The following EPHB1 variants were observed in gnomAD, a reference collection of about 807,000 sequenced individuals.
EPHB1 encodes EPH receptor B1.
EPHB1 carries 30 observed loss-of-function variants against 94.4 expected under a neutral mutation model. The ratio of observed to expected loss-of-function variants is 0.32; its 90% CI spans 0.24 to 0.43. EPHB1 has a LOEUF of 0.43. EPHB1 is among the 20% of genes least tolerant of loss of function. The pLI is 1.00. For synonymous variants in EPHB1, 522 were observed against 489.1 expected, an observed-to-expected ratio of 1.07 and a Z score of -0.89; for missense variants, 1,055 against 1,308.3, an observed-to-expected ratio of 0.81 and a Z score of 2.99.
intron 15 of EPHB1, among the ~76,000 whole-genome samples, chr3:135,254,085 G>T (rs1933253865): frequency 9.5e-6 from 1 of 105,356 alleles, no homozygotes; most frequent in Non-Finnish European, 1.9e-5. Context: ...CTTTGCTGAA[G>T]TTGCTTATCA....
chr3:134,973,271 G>T (rs1191636918), intron 3 of EPHB1, among the ~76,000 whole-genome samples: 2 of 152,124 alleles, frequency 1.3e-5, no homozygotes, highest in Non-Finnish European at 2.9e-5. Context: ...GATGGGGACA[G>T]TGAGAACCTG....
chr3:135,254,123 T>C (rs1247080964), intron 15 of EPHB1, among the ~76,000 whole-genome samples: 1 of 98,660 alleles, frequency 1.0e-5, no homozygotes, highest in African/African-American at 3.9e-5. Context: ...GCTGAGACAA[T>C]GGGGTTTTCT....
Position 135,229,503 on chromosome 3 carries a change from A to G in EPHB1, c.2347-11645A>G, listed in dbSNP as rs886238444. On this transcript the variant is annotated intron_variant, in intron 12 of 15. Coordinates refer to ENST00000398015, the MANE Select transcript of EPHB1 (RefSeq NM_004441.5). ...GTGGACACTGGTAAGGCATTCAAAC[A>G]TTGCAATGAAAAGAAGGAATATACC... 4.6e-5 allele frequency among the ~76,000 whole-genome samples: 7 copies of G among 152,284 alleles called. No homozygotes were observed. The South Asian group carries it at 1.2e-3, about 27-fold the overall frequency.
rs555035502 is a variant in EPHB1 at position 134,874,353 on chromosome 3, C to T, written c.59-51463C>T. On this transcript the variant is annotated intron_variant, in intron 1 of 15. Transcript: ENST00000398015. ...GACACAGAGAGGGTAAAACAAACAC[C>T]GGGGCCTATTGGGGGGTGGAGGGTG... 1.7e-3 allele frequency among the ~76,000 whole-genome samples: 255 copies of T among 151,918 alleles called. 1 individual carries two copies. Among genetic ancestry groups the T allele is most frequent in the African/African-American group, 5.5e-3 (227 of 41,432 alleles).
chr3:134,857,380 C>T (rs1286343551), intron 1 of EPHB1, among the ~76,000 whole-genome samples: 1 of 152,132 alleles, frequency 6.6e-6, no homozygotes, highest in Non-Finnish European at 1.5e-5. Context: ...ACTTGCAGGT[C>T]TTGGTTCCTA....
chr3:135,183,175 C>T (rs952441293), intron 10 of EPHB1, among the ~76,000 whole-genome samples: 3 of 150,304 alleles, frequency 2.0e-5, no homozygotes, highest in African/African-American at 4.9e-5. Context: ...ATCATGAGCC[C>T]CTTCTTTCCT....
In EPHB1 at chr3:135,048,259, C is replaced by CTTTTT. The variant is rs34135757; in HGVS notation, c.806-58170_806-58166dup. Among the ~76,000 whole-genome samples the CTTTTT allele has an allele frequency of 1.0e-3, 57 of 55,208 alleles. 1 individual carries two copies. The highest frequency in any genetic ancestry group is 2.4e-3 in the African/African-American group (34 of 13,908). 36.2% of individuals were successfully genotyped at this position (55,208 alleles called of 152,430 possible). On this transcript the variant is annotated intron_variant, in intron 3 of 15. Coordinates refer to ENST00000398015, the MANE Select transcript of EPHB1 (RefSeq NM_004441.5). ...TTTTCTTTTTCTTTCTTTCTTTTTTCTTTTTTTTTTTTTTTTTTTTTTTGA... is the reference window on the plus strand; with the variant it reads ...TTTTCTTTTTCTTTCTTTCTTTTTTCTTTTTTTTTTTTTTTTTTTTTTTTTTTTGA...
chr3:134,934,146 T>C (rs2038956532), intron 2 of EPHB1, among the ~76,000 whole-genome samples: 1 of 152,204 alleles, frequency 6.6e-6, no homozygotes, highest in Admixed American at 6.5e-5. Flanking sequence ...ACAGCTTTCA[T>C]ACCTGAAACA....
chr3:134,957,440 G>A (rs949275965), intron 3 of EPHB1, among the ~76,000 whole-genome samples: 3 of 152,150 alleles, frequency 2.0e-5, no homozygotes, highest in African/African-American at 7.2e-5. Context: ...GGGACTGCAG[G>A]AGCAGGCTGG....
At chr3:135,110,973 G>A (rs1939419897) in intron 4 of EPHB1, among the ~76,000 whole-genome samples, 1 of 152,202 alleles carries the variant, frequency 6.6e-6, no homozygotes, top group Non-Finnish European at 1.5e-5. Flanking sequence ...TCCCAGGGAA[G>A]CAGGGTGGAT....
intron 2 of EPHB1, among the ~76,000 whole-genome samples, chr3:134,943,875 C>T (rs1225384021): frequency 6.6e-6 from 1 of 152,062 alleles, no homozygotes; most frequent in Non-Finnish European, 1.5e-5. Flanking sequence ...ATAATGGAGA[C>T]CGTGCGAGCA....
intron 2 of EPHB1, among the ~76,000 whole-genome samples, chr3:134,927,216 G>T (rs2038812494): frequency 6.6e-6 from 1 of 152,198 alleles, no homozygotes; most frequent in Non-Finnish European, 1.5e-5. Flanking sequence ...TGCAGGGGTG[G>T]TTCTAATCGG....
intron 5 of EPHB1, among the ~76,000 whole-genome samples, chr3:135,146,503 G>A (rs1941015966): frequency 6.6e-6 from 1 of 152,160 alleles, no homozygotes; most frequent in Non-Finnish European, 1.5e-5. Flanking sequence ...CATTAGATGG[G>A]AAGGCTATGC....
intron 1 of EPHB1, among the ~76,000 whole-genome samples, chr3:134,839,532 C>T (rs773799241): frequency 9.2e-5 from 14 of 152,040 alleles, no homozygotes; most frequent in East Asian, 3.9e-4. Context: ...GTCCTGAAAG[C>T]GCCTCTGCCC....
At chr3:134,882,771 T>TTTCTTTTTTCTTTCTTTCTTTCTTTCA (rs1578167161) in intron 1 of EPHB1, among the ~76,000 whole-genome samples, 1 of 45,050 alleles carries the variant, frequency 2.2e-5, no homozygotes, top group East Asian at 4.4e-4. Flanking sequence ...CCTTCCTTTC[T>TTTCTTTTTTCTTTCTTTCTTTCTTTCA]TTCTTTCTTT....
intron 4 of EPHB1, among the ~76,000 whole-genome samples, chr3:135,114,123 C>T (rs771812826): frequency 2.0e-5 from 3 of 152,196 alleles, no homozygotes; most frequent in Non-Finnish European, 4.4e-5. Context: ...CCTATGTGCA[C>T]TTATCAGTAC....
intron 3 of EPHB1, among the ~76,000 whole-genome samples, chr3:135,052,931 GTATATATGTGTGTATATA>G (rs1397817448): frequency 1.1e-5 from 1 of 93,828 alleles, no homozygotes; most frequent in Non-Finnish European, 1.8e-5. Flanking sequence ...GTGTGTGTGT[GTATATATGTGTGTATATA>G]TATATATGTG....
intron 1 of EPHB1, among the ~76,000 whole-genome samples, chr3:134,844,092 A>G (rs145318836): frequency 6.6e-6 from 1 of 152,356 alleles, no homozygotes; most frequent in East Asian, 1.9e-4. Context: ...TGCCTGGGCT[A>G]ATCTGTGAAA....
At chr3:134,851,099 CTCCAGTGTCTGGCTGGG>C (rs1395590193) in intron 1 of EPHB1, among the ~76,000 whole-genome samples, 1 of 152,230 alleles carries the variant, frequency 6.6e-6, no homozygotes, top group African/African-American at 2.4e-5. Flanking sequence ...TCCTGTGTCC[CTCCAGTGTCTGGCTGGG>C]TCCAGCGAAG....
Sources: gnomAD v4.1 joint callset for allele counts (sites outside exome capture counted in the v4.1 genomes callset) on GRCh38, gnomAD v4.1.1 for gene constraint, MANE v1.5 for transcripts, NCBI Gene and HGNC (gene_info 2026-07-23, HGNC 2026-07-21) for gene names.